ABCB10: variants seen among roughly 807,000 people sequenced by gnomAD.
The protein encoded by ABCB10 is ATP-binding cassette sub-family B member 10, mitochondrial.
A neutral mutation model predicts 65.4 loss-of-function variants in ABCB10; 54 were observed. That is an observed-to-expected ratio of 0.83 (90% CI 0.66 to 1.04). The LOEUF is 1.04. ABCB10 is among the 50% of genes least tolerant of loss of function. ABCB10 has a pLI of 0.00. For missense variants in ABCB10, 846 were observed against 976.6 expected, an observed-to-expected ratio of 0.87 and a Z score of 1.78; for synonymous variants, 418 against 406.5, an observed-to-expected ratio of 1.03 and a Z score of -0.34.
chr1:229,549,179 A>G, intron 2 of ABCB10, 55 bp downstream of exon 2: 1 of 1,593,320 alleles, frequency 6.3e-7, no homozygotes. Flanking sequence ...ACAAACCCAC[A>G]GGACTCTACA....
At chr1:229,550,987 C>A (rs1054416761) in intron 1 of ABCB10, among the ~76,000 whole-genome samples, 1 of 152,106 alleles carries the variant, frequency 6.6e-6, no homozygotes. Context: ...CTATGTTGCC[C>A]AGGCTGGTAT....
intron 1 of ABCB10, among the ~76,000 whole-genome samples, chr1:229,551,664 G>A (rs899534879): frequency 6.6e-5 from 10 of 152,190 alleles, no homozygotes; most frequent in Non-Finnish European, 1.0e-4. Flanking sequence ...TCATTTTGAC[G>A]TAAAGCCCGG....
At chr1:229,522,161 T>C (rs919512129) in intron 10 of ABCB10, among the ~76,000 whole-genome samples, 23 of 152,206 alleles carry the variant, frequency 1.5e-4, no homozygotes, top group African/African-American at 5.1e-4. Context: ...GCCCGGCCAA[T>C]ACCAGGCATT....
intron 4 of ABCB10, among the ~76,000 whole-genome samples, chr1:229,541,409 T>G (rs963995731): frequency 3.3e-5 from 5 of 152,076 alleles, no homozygotes; most frequent in African/African-American, 1.2e-4. Flanking sequence ...CTATTTTTAG[T>G]AGAAACAAGG....
intron 1 of ABCB10, among the ~76,000 whole-genome samples, chr1:229,557,678 G>T (rs527673291): frequency 6.6e-6 from 1 of 152,198 alleles, no homozygotes; most frequent in South Asian, 2.1e-4. Context: ...CGCTGTGAAA[G>T]CATTGGTGAC....
chr1:229,556,454 G>A (rs376766103), intron 1 of ABCB10, among the ~76,000 whole-genome samples: 9 of 151,948 alleles, frequency 5.9e-5, no homozygotes, highest in East Asian at 5.8e-4. Context: ...AGGCAGAGCT[G>A]CTTGAGCTGA....
At chr1:229,546,718 T>C (rs1008492195) in intron 3 of ABCB10, among the ~76,000 whole-genome samples, 27 of 151,538 alleles carry the variant, frequency 1.8e-4, no homozygotes, top group African/African-American at 6.3e-4. Flanking sequence ...AAAAAATATA[T>C]ATATATATTC....
At chr1:229,536,229 G>C (rs1354032362) in intron 6 of ABCB10, among the ~76,000 whole-genome samples, 1 of 152,150 alleles carries the variant, frequency 6.6e-6, no homozygotes, top group Non-Finnish European at 1.5e-5. Flanking sequence ...GGCTGGGCAT[G>C]GTGGTGCACA....
chr1:229,537,146 A>C (rs935193517), intron 6 of ABCB10, among the ~76,000 whole-genome samples: 1 of 152,238 alleles, frequency 6.6e-6, no homozygotes, highest in Non-Finnish European at 1.5e-5. Context: ...TGGCAGGAGG[A>C]AGTAAAGTAG....
chr1:229,555,807 T>C (rs913931865), intron 1 of ABCB10, among the ~76,000 whole-genome samples: 2 of 152,188 alleles, frequency 1.3e-5, no homozygotes, highest in African/African-American at 4.8e-5. Flanking sequence ...CTTAGAATGA[T>C]AAATTACACA....
chr1:229,557,429 T>C (rs1663282423), intron 1 of ABCB10, among the ~76,000 whole-genome samples: 1 of 152,162 alleles, frequency 6.6e-6, no homozygotes, highest in Non-Finnish European at 1.5e-5. Context: ...GAGTGAAGAT[T>C]TAGAGAAATC....
intron 1 of ABCB10, among the ~76,000 whole-genome samples, chr1:229,554,218 C>T (rs1663188655): frequency 6.6e-6 from 1 of 152,116 alleles, no homozygotes; most frequent in Non-Finnish European, 1.5e-5. Context: ...GACTCGGCAT[C>T]TGCGCTGGGT....
At chr1:229,543,727 G>C (rs1250091330) in intron 3 of ABCB10, among the ~76,000 whole-genome samples, 2 of 152,190 alleles carry the variant, frequency 1.3e-5, no homozygotes, top group African/African-American at 2.4e-5. Context: ...TCTCCCCCAA[G>C]AGGGAAGAGC....
At chr1:229,540,567 C>T (rs992838288) in intron 5 of ABCB10, 39 bp downstream of exon 5, 1 of 1,570,052 alleles carries the variant, frequency 6.4e-7, no homozygotes, top group Non-Finnish European at 8.6e-7. Context: ...ACCATTCTAA[C>T]ATTTGCCAAT....
chr1:229,522,282 T>C (rs144557720), intron 10 of ABCB10, among the ~76,000 whole-genome samples: 414 of 152,280 alleles, frequency 2.7e-3, no homozygotes, highest in Non-Finnish European at 4.9e-3. Context: ...ACACGGCTCA[T>C]TGCAGCTTCA....
chr1:229,557,888 A>C lies in ABCB10; in HGVS notation c.517+248T>G, dbSNP rs530324988. On this transcript the variant is annotated intron_variant, in intron 1 of 12. Transcript: ENST00000344517. ...AACAGACCCAAAGATTCCAATAATG[A>C]CATATATAACGTGTGTCAACAAGAA... Among the ~76,000 whole-genome samples the C allele has an allele frequency of 7.9e-4, 120 of 152,322 alleles. 1 individual carries two copies. The highest frequency in any genetic ancestry group is 2.8e-3 in the African/African-American group (115 of 41,562).
At chr1:229,526,196 T>C (rs1447613330) in intron 9 of ABCB10, 80 bp from the exon 10 acceptor site, 26 of 1,386,676 alleles carry the variant, frequency 1.9e-5, no homozygotes, top group Non-Finnish European at 2.3e-5. Flanking sequence ...TAGCAGTCTT[T>C]TTTAAAATTT....
chr1:229,550,699 A>T (rs1041409930), intron 1 of ABCB10, among the ~76,000 whole-genome samples: 2 of 151,296 alleles, frequency 1.3e-5, no homozygotes, highest in Middle Eastern at 3.4e-3. Context: ...CTAAAAAAAA[A>T]AAAAAATACA....
chr1:229,544,921 A>C (rs1181524666), intron 3 of ABCB10, among the ~76,000 whole-genome samples: 1 of 152,064 alleles, frequency 6.6e-6, no homozygotes, highest in African/African-American at 2.4e-5. Context: ...TTGACCCTGG[A>C]CTTCTAACCT....
Sources: allele counts gnomAD v4.1 joint callset (sites outside exome capture counted in the v4.1 genomes callset), GRCh38; gene constraint gnomAD v4.1.1; transcripts MANE v1.5; gene names NCBI Gene and HGNC (gene_info 2026-07-23, HGNC 2026-07-21).